Variants in FAF1 observed in about 807,000 individuals in gnomAD.
FAF1 encodes the protein Fas associated factor 1, also known as FAS-associated factor 1.
FAF1 carries 25 observed loss-of-function variants against 92.5 expected under a neutral mutation model. The observed-to-expected ratio is 0.27, with a 90% confidence interval of 0.20 to 0.38. The LOEUF is 0.38. Ranked by LOEUF, FAF1 falls within the 10% of genes least tolerant of loss-of-function variation. FAF1 has a pLI of 1.00. For synonymous variants in FAF1, 234 were observed against 273.2 expected (o/e 0.86, Z 1.42); for missense variants, 636 against 793.3 (o/e 0.80, Z 2.38).
At chr1:50,503,028 G>C (rs1025238618) in intron 15 of FAF1, among the ~76,000 whole-genome samples, 1 of 151,860 alleles carries the variant, frequency 6.6e-6, no homozygotes, top group African/African-American at 2.4e-5. Context: ...TTTTAGAGAT[G>C]GGGTCTCGCT....
At chr1:50,833,039 A>C (rs1448279664) in intron 2 of FAF1, among the ~76,000 whole-genome samples, 1 of 151,924 alleles carries the variant, frequency 6.6e-6, no homozygotes, top group African/African-American at 2.4e-5. Context: ...TACACCAACC[A>C]ATTCTGACAT....
intron 15 of FAF1, among the ~76,000 whole-genome samples, chr1:50,508,776 A>G (rs976304493): frequency 2.0e-5 from 3 of 152,220 alleles, no homozygotes; most frequent in African/African-American, 7.2e-5. Flanking sequence ...ATCTCAGCTC[A>G]CTGCAACCTC....
At chr1:50,641,776 C>G (rs1654339614) in intron 8 of FAF1, among the ~76,000 whole-genome samples, 1 of 152,196 alleles carries the variant, frequency 6.6e-6, no homozygotes, top group Non-Finnish European at 1.5e-5. Context: ...AATGAAATCT[C>G]TACCTGTGTG....
chr1:50,868,140 G>A (rs545568152), intron 1 of FAF1, among the ~76,000 whole-genome samples: 19 of 152,098 alleles, frequency 1.2e-4, no homozygotes, highest in Non-Finnish European at 1.9e-4. Flanking sequence ...GGATGCAAAG[G>A]CATAAGAATG....
At chr1:50,753,655 G>T (rs1659958434) in intron 4 of FAF1, among the ~76,000 whole-genome samples, 1 of 151,936 alleles carries the variant, frequency 6.6e-6, no homozygotes, top group African/African-American at 2.4e-5. Context: ...TGTTCAACTG[G>T]GTCATTTCTA....
At chr1:50,452,246 T>G in intron 18 of FAF1, 7 of 978,898 alleles carry the variant, frequency 7.2e-6, no homozygotes, top group Non-Finnish European at 9.9e-6. Flanking sequence ...TACAGAACAA[T>G]TTGCAAGCTC....
intron 7 of FAF1, among the ~76,000 whole-genome samples, chr1:50,670,482 A>G (rs993389586): frequency 7.2e-5 from 11 of 152,224 alleles, no homozygotes; most frequent in African/African-American, 2.4e-4. Context: ...ATAGAGCAAC[A>G]TAAAAACAGA....
intron 18 of FAF1, among the ~76,000 whole-genome samples, chr1:50,457,724 CA>C (rs35479561): frequency 4.8e-4 from 27 of 56,564 alleles, no homozygotes; most frequent in African/African-American, 1.6e-3. Context: ...CCCATCTCTG[CA>C]AAAAAAAAAA....
At chr1:50,769,130 C>A (rs1217359568) in intron 4 of FAF1, among the ~76,000 whole-genome samples, 1 of 151,806 alleles carries the variant, frequency 6.6e-6, no homozygotes, top group East Asian at 1.9e-4. Context: ...CCACCAAACC[C>A]ACAGAAATAC....
intron 13 of FAF1, among the ~76,000 whole-genome samples, chr1:50,556,130 C>T (rs1327589399): frequency 6.7e-6 from 1 of 149,258 alleles, no homozygotes; most frequent in Non-Finnish European, 1.5e-5. Context: ...CCCAGCTACT[C>T]GGGAGGCTGA....
Position 50,637,353 on chromosome 1 carries a change from T to G in FAF1, c.744+18089A>C, listed in dbSNP as rs530613537. ...CTGTAATCCCAGCTACTCGGGAGGC[T>G]GAGGCAGGAGAATCGCTTGAACTTG... On this transcript the variant is annotated intron_variant, in intron 8 of 18. Transcript: ENST00000396153. 1.8e-4 allele frequency among the ~76,000 whole-genome samples: 27 copies of G among 150,566 alleles called. No individual in the cohort carries two copies. The South Asian group carries it at 5.5e-3, about 31-fold the overall frequency.
intron 2 of FAF1, among the ~76,000 whole-genome samples, chr1:50,853,663 GTTAT>G (rs1644369259): frequency 6.6e-6 from 1 of 151,916 alleles, no homozygotes; most frequent in South Asian, 2.1e-4. Context: ...TTAACATTGG[GTTAT>G]CAAGTATATG....
At chr1:50,476,134 G>A (rs1006244383) in intron 17 of FAF1, among the ~76,000 whole-genome samples, 2 of 152,272 alleles carry the variant, frequency 1.3e-5, no homozygotes, top group Middle Eastern at 3.4e-3. Flanking sequence ...TTATGTTTAT[G>A]TCAAAATGGA....
At chr1:50,953,616 G>A (rs1169695926) in intron 1 of FAF1, among the ~76,000 whole-genome samples, 1 of 151,780 alleles carries the variant, frequency 6.6e-6, no homozygotes, top group Non-Finnish European at 1.5e-5. Flanking sequence ...GTTCTCGCCT[G>A]TAATCCCAGC....
At chr1:50,793,152 CCA>C (rs1461379597) in intron 3 of FAF1, among the ~76,000 whole-genome samples, 1 of 152,144 alleles carries the variant, frequency 6.6e-6, no homozygotes, top group Non-Finnish European at 1.5e-5. Flanking sequence ...CTGTGGAGAA[CCA>C]CAGTCACTTC....
At chr1:50,779,034 T>G (rs1212610667) in intron 4 of FAF1, among the ~76,000 whole-genome samples, 2 of 152,208 alleles carry the variant, frequency 1.3e-5, no homozygotes, top group Non-Finnish European at 2.9e-5. Flanking sequence ...TAAATCCTTT[T>G]TTTGTCATTT....
chr1:50,821,958 T>A (rs1644047352), intron 2 of FAF1, among the ~76,000 whole-genome samples: 1 of 152,010 alleles, frequency 6.6e-6, no homozygotes, highest in Non-Finnish European at 1.5e-5. Context: ...TGATTACAGA[T>A]AAGATGAGGA....
At chr1:50,547,263 G>A (rs908795578) in intron 13 of FAF1, among the ~76,000 whole-genome samples, 1 of 152,048 alleles carries the variant, frequency 6.6e-6, no homozygotes, top group African/African-American at 2.4e-5. Flanking sequence ...GCATGTTGGA[G>A]AACAAACCAA....
intron 3 of FAF1, among the ~76,000 whole-genome samples, chr1:50,794,759 G>C (rs1661683635): frequency 6.6e-6 from 1 of 151,204 alleles, no homozygotes; most frequent in Non-Finnish European, 1.5e-5. Flanking sequence ...AAGTAGCTGG[G>C]ATTACAGGTG....
Sources: allele counts gnomAD v4.1 joint callset (sites outside exome capture counted in the v4.1 genomes callset), GRCh38; gene constraint gnomAD v4.1.1; transcripts MANE v1.5; gene names NCBI Gene and HGNC (gene_info 2026-07-23, HGNC 2026-07-21).